ST18: variants seen among roughly 807,000 people sequenced by gnomAD.
The protein encoded by ST18 is ST18 C2H2C-type zinc finger transcription factor.
ST18 carries 50 observed loss-of-function variants against 110.0 expected under a neutral mutation model. That is an observed-to-expected ratio of 0.45 (90% confidence interval 0.36 to 0.58). The LOEUF is 0.58. ST18 is among the 20% of genes least tolerant of loss of function. The pLI, the probability that ST18 is intolerant of heterozygous loss-of-function variation, is 0.00. For synonymous variants in ST18, 461 were observed against 452.4 expected (o/e 1.02, Z -0.24); for missense variants, 1,306 against 1,280.1 (o/e 1.02, Z -0.31).
intron 2 of ST18, among the ~76,000 whole-genome samples, chr8:52,306,436 C>A (rs185914243): frequency 6.6e-6 from 1 of 151,970 alleles, no homozygotes; most frequent in Non-Finnish European, 1.5e-5. Flanking sequence ...AGAAGACGTG[C>A]GGTGAGTTTG....
At position 52,391,267 on chromosome 8, in the gene ST18, A is replaced by AG. The variant is rs1272238185; in HGVS notation, c.-465+18060dup. Among the ~76,000 whole-genome samples the AG allele has an allele frequency of 2.6e-5, 4 of 152,154 alleles. 1 individual carries two copies. The South Asian group carries it at 6.2e-4, about 24-fold the overall frequency. On this transcript the variant is annotated intron_variant, in intron 2 of 25. Transcript: ENST00000689386. Reference sequence around the variant, plus strand: ...ACAAATGTATCTTTGCTTGCTACCTAGTAGCAAGCAAAGCACTGTGCCAGA... The same window carrying AG: ...ACAAATGTATCTTTGCTTGCTACCTAGGTAGCAAGCAAAGCACTGTGCCAGA...
chr8:52,402,789 G>T (rs991354996), intron 2 of ST18, among the ~76,000 whole-genome samples: 4 of 152,202 alleles, frequency 2.6e-5, no homozygotes, highest in Non-Finnish European at 4.4e-5. Context: ...ACTCCAGAGG[G>T]CTGGCCCAGA....
At chr8:52,130,098 GAAAGAAAGAAAGAAAGAAAGA>G (rs1233169230) in intron 22 of ST18, among the ~76,000 whole-genome samples, 1 of 67,136 alleles carries the variant, frequency 1.5e-5, no homozygotes, top group Non-Finnish European at 3.1e-5. Context: ...GAAAGAAAAA[GAAAGAAAGAAAGAAAGAAAGA>G]AAAGAAAGAA....
chr8:52,259,850 A>C (rs1439129250), intron 2 of ST18, among the ~76,000 whole-genome samples: 1 of 152,206 alleles, frequency 6.6e-6, no homozygotes, highest in Non-Finnish European at 1.5e-5. Flanking sequence ...CAGACCAGTA[A>C]AAACCAACAT....
chr8:52,139,243 A>G (rs1236489094), intron 17 of ST18, among the ~76,000 whole-genome samples: 4 of 152,186 alleles, frequency 2.6e-5, no homozygotes, highest in Non-Finnish European at 5.9e-5. Flanking sequence ...TGGAGTATTC[A>G]GAGTGAGAGG....
rs111889726 is a variant in ST18 at position 52,186,848 on chromosome 8, G to A, written c.87-6536C>T. ...ACCAGCACAATTAGTCGATGAAGGC[G>A]GAGTCAGGGATGATGACTTTTGTGA... On this transcript the variant is annotated intron_variant, in intron 8 of 25. Coordinates refer to ENST00000689386, the MANE Select transcript of ST18 (RefSeq NM_001352837.2). Among the ~76,000 whole-genome samples the A allele has an allele frequency of 1.5e-3, 224 of 152,278 alleles. 2 individuals are homozygous for A. Among genetic ancestry groups the A allele is most frequent in the African/African-American group, 5.0e-3 (207 of 41,554 alleles).
chr8:52,258,436 T>G (rs1383603787), intron 2 of ST18, among the ~76,000 whole-genome samples: 5 of 152,230 alleles, frequency 3.3e-5, no homozygotes, highest in African/African-American at 1.2e-4. Context: ...TTATTTTGAC[T>G]CTTAAAAATT....
chr8:52,218,928 G>T (rs1010750859), intron 5 of ST18, among the ~76,000 whole-genome samples: 2 of 152,072 alleles, frequency 1.3e-5, no homozygotes, highest in African/African-American at 2.4e-5. Context: ...TCTCCATGAG[G>T]AACGCTTTAT....
chr8:52,407,062 A>C (rs1844770612), intron 2 of ST18: 1 of 152,242 alleles, frequency 6.6e-6, no homozygotes, highest in African/African-American at 2.4e-5. Flanking sequence ...ACAGAATAAA[A>C]TTTAGTGAAG....
intron 2 of ST18, among the ~76,000 whole-genome samples, chr8:52,254,914 G>A (rs1312126067): frequency 6.6e-6 from 1 of 152,148 alleles, no homozygotes; most frequent in East Asian, 1.9e-4. Context: ...GTACCCTCCT[G>A]TGCTTGCTTC....
intron 2 of ST18, among the ~76,000 whole-genome samples, chr8:52,372,902 T>C (rs1240316672): frequency 6.6e-6 from 1 of 152,236 alleles, no homozygotes; most frequent in African/African-American, 2.4e-5. Context: ...AGTATGAATG[T>C]TTATTGTACA....
intron 2 of ST18, among the ~76,000 whole-genome samples, chr8:52,236,859 T>G (rs1378325839): frequency 6.6e-6 from 1 of 152,094 alleles, no homozygotes; most frequent in Non-Finnish European, 1.5e-5. Context: ...AACTGGTATG[T>G]TGGGGAGGAC....
intron 2 of ST18, among the ~76,000 whole-genome samples, chr8:52,400,032 T>C (rs1054012984): frequency 1.8e-4 from 28 of 152,070 alleles, no homozygotes; most frequent in Admixed American, 1.4e-3. Context: ...TATTATTGTA[T>C]TGCTATCTAG....
intron 12 of ST18, among the ~76,000 whole-genome samples, chr8:52,164,728 C>G (rs1445531999): frequency 6.6e-6 from 1 of 152,176 alleles, no homozygotes; most frequent in Non-Finnish European, 1.5e-5. Flanking sequence ...ATAGTTACAA[C>G]CATTGAAGCC....
chr8:52,209,718 C>T (rs540184750), intron 8 of ST18, among the ~76,000 whole-genome samples: 23 of 142,456 alleles, frequency 1.6e-4, no homozygotes, highest in Admixed American at 6.7e-4. Context: ...TGCAGTGAAC[C>T]GAGATCGTGC....
chr8:52,395,604 C>T (rs191974195), intron 2 of ST18, among the ~76,000 whole-genome samples: 9 of 152,068 alleles, frequency 5.9e-5, no homozygotes, highest in African/African-American at 2.2e-4. Flanking sequence ...CTGACTTTCT[C>T]GTGGTCCATG....
intron 2 of ST18, among the ~76,000 whole-genome samples, chr8:52,330,436 T>TA: frequency 6.6e-6 from 1 of 152,312 alleles, no homozygotes; most frequent in Admixed American, 6.5e-5. Context: ...TCATAAAAAT[T>TA]AAAAGCCTAA....
At chr8:52,262,507 G>A (rs1439264098) in intron 2 of ST18, among the ~76,000 whole-genome samples, 1 of 152,212 alleles carries the variant, frequency 6.6e-6, no homozygotes, top group East Asian at 1.9e-4. Context: ...CAGAGCTCCA[G>A]TGAATCTGAG....
intron 15 of ST18, among the ~76,000 whole-genome samples, chr8:52,157,590 A>C (rs1216386894): frequency 6.6e-6 from 1 of 152,262 alleles, no homozygotes; most frequent in Non-Finnish European, 1.5e-5. Flanking sequence ...ATTTGTGACT[A>C]GGAATCTTTT....
Sources: gnomAD v4.1 joint callset for allele counts (sites outside exome capture counted in the v4.1 genomes callset) on GRCh38, gnomAD v4.1.1 for gene constraint, MANE v1.5 for transcripts, NCBI Gene and HGNC (gene_info 2026-07-23, HGNC 2026-07-21) for gene names.